TMEM108: variants seen among roughly 807,000 people sequenced by gnomAD.
The protein encoded by TMEM108 is cancer/testis antigen 124.
A neutral mutation model predicts 35.1 loss-of-function variants in TMEM108; 12 were observed. The ratio of observed to expected loss-of-function variants is 0.34; its 90% confidence interval spans 0.22 to 0.55. The LOEUF (loss-of-function observed/expected upper bound fraction) is 0.55, where lower values mean the gene tolerates loss of function less well. TMEM108 is among the 20% of genes least tolerant of loss of function. The probability of loss-of-function intolerance (pLI) is 0.89; values close to 1 mark genes in which losing one functional copy is unlikely to be tolerated. For synonymous variants in TMEM108, 287 were observed against 308.6 expected, an observed-to-expected ratio of 0.93 and a Z score of 0.73; for missense variants, 680 against 753.3, an observed-to-expected ratio of 0.90 and a Z score of 1.14.
intron 2 of TMEM108, among the ~76,000 whole-genome samples, chr3:133,178,249 T>C (rs933889852): frequency 1.3e-5 from 2 of 152,196 alleles, no homozygotes; most frequent in African/African-American, 4.8e-5. Flanking sequence ...CAAGGTAATT[T>C]ATAGATTCAA....
At chr3:133,223,505 G>C (rs1946022852) in intron 2 of TMEM108, among the ~76,000 whole-genome samples, 1 of 152,156 alleles carries the variant, frequency 6.6e-6, no homozygotes, top group Admixed American at 6.5e-5. Flanking sequence ...ATGTAACTCT[G>C]TACTTTCTTA....
chr3:133,048,523 A>G (rs1046939533), intron 2 of TMEM108, among the ~76,000 whole-genome samples: 5 of 152,222 alleles, frequency 3.3e-5, no homozygotes, highest in Non-Finnish European at 7.3e-5. Context: ...TGTAACCTGC[A>G]TTATTTTAAT....
intron 2 of TMEM108, among the ~76,000 whole-genome samples, chr3:133,175,220 G>A (rs61568127): frequency 0.017 from 2,587 of 152,284 alleles, 95 homozygotes; most frequent in African/African-American, 0.057. Flanking sequence ...TGAAAGTGAC[G>A]GGGAGAATGG....
chr3:133,269,367 T>G (rs1559887744), intron 3 of TMEM108, among the ~76,000 whole-genome samples: 1 of 152,198 alleles, frequency 6.6e-6, no homozygotes, highest in Non-Finnish European at 1.5e-5. Flanking sequence ...TTGCAGCATG[T>G]TCAAATGCTT....
intron 3 of TMEM108, among the ~76,000 whole-genome samples, chr3:133,289,913 C>T (rs1338515730): frequency 1.6e-4 from 24 of 152,160 alleles, no homozygotes; most frequent in Non-Finnish European, 1.5e-5. Flanking sequence ...GCTCACCCCC[C>T]TCATTAGAAG....
At chr3:133,385,927 G>A (rs769566509) in intron 4 of TMEM108, among the ~76,000 whole-genome samples, 10 of 152,218 alleles carry the variant, frequency 6.6e-5, no homozygotes, top group Non-Finnish European at 1.3e-4. Flanking sequence ...GGAAACACCT[G>A]TAAAATGTTC....
rs1348760560 is a variant in TMEM108, at chr3:133,380,020, A to G, written c.309A>G (p.Thr103=). The G allele has an allele frequency of 1.9e-6, 3 of 1,613,880 alleles. No homozygotes were observed. Among genetic ancestry groups the G allele is most frequent in the Admixed American group, 3.3e-5 (2 of 60,004 alleles). The change falls in exon 4 of 6, where the codon ACA becomes ACG. Residue 103 remains threonine (T), a synonymous_variant. Transcript: ENST00000321871. The surrounding 1 kb of genome is among the most constrained non-coding windows in gnomAD (Gnocchi z 5.3). ...PTHTISTIAA[T]VTAPHSESSL... ...ACACCATCTCCACCATCGCTGCGAC[A>G]GTAACCGCCCCCCATTCTGAAAGCT...
intron 3 of TMEM108, among the ~76,000 whole-genome samples, chr3:133,250,242 CT>C (rs1460456289): frequency 6.6e-6 from 1 of 152,118 alleles, no homozygotes; most frequent in African/African-American, 2.4e-5. Flanking sequence ...TCTGCCACCC[CT>C]AAGACAACAA....
intron 2 of TMEM108, among the ~76,000 whole-genome samples, chr3:133,128,847 G>A (rs1433855279): frequency 1.3e-5 from 2 of 152,114 alleles, no homozygotes; most frequent in Admixed American, 6.5e-5. Flanking sequence ...TAGAGGTTAA[G>A]CTTGAACCAA....
intron 3 of TMEM108, among the ~76,000 whole-genome samples, chr3:133,261,374 G>A (rs528162499): frequency 6.6e-6 from 1 of 152,198 alleles, no homozygotes; most frequent in Admixed American, 6.5e-5. Context: ...TTAATTTCTG[G>A]ATTGGTTTTG....
intron 2 of TMEM108, among the ~76,000 whole-genome samples, chr3:133,184,544 C>A (rs981300602): frequency 2.0e-5 from 3 of 152,156 alleles, no homozygotes; most frequent in African/African-American, 7.2e-5. Context: ...TGCCTTGACA[C>A]CTAATTGAAA....
intron 2 of TMEM108, among the ~76,000 whole-genome samples, chr3:133,194,200 G>A (rs1945543613): frequency 6.6e-6 from 1 of 152,130 alleles, no homozygotes; most frequent in Non-Finnish European, 1.5e-5. Flanking sequence ...CTCCCAAAGT[G>A]CTGGGATTAC....
Position 133,390,148 on chromosome 3 carries a change from C to G in TMEM108, c.1451-32C>G, listed in dbSNP as rs1478213891. On this transcript the variant is annotated intron_variant, in intron 4 of 5. Transcript: ENST00000321871. ...ACCCAGGCACCATCCTTGCTGCCTCCCTCTCCTCTCTGACTTGCACTCTCT... is the reference window on the plus strand; with the variant it reads ...ACCCAGGCACCATCCTTGCTGCCTCGCTCTCCTCTCTGACTTGCACTCTCT... 5.0e-6 allele frequency: 8 copies of G among 1,613,170 alleles called. No individual in the cohort carries two copies. In the South Asian group the frequency reaches 8.8e-5, roughly 18 times the overall value.
At chr3:133,143,055 A>G (rs1355043842) in intron 2 of TMEM108, among the ~76,000 whole-genome samples, 1 of 152,190 alleles carries the variant, frequency 6.6e-6, no homozygotes, top group Non-Finnish European at 1.5e-5. Context: ...AAAATTGTGT[A>G]TGTGACATAG....
At chr3:133,362,909 A>T (rs1268178014) in intron 3 of TMEM108, among the ~76,000 whole-genome samples, 4 of 152,150 alleles carry the variant, frequency 2.6e-5, no homozygotes, top group Non-Finnish European at 4.4e-5. Flanking sequence ...TTTAGATCCA[A>T]TTTGTTCTTG....
rs187146420 is a variant in TMEM108 at position 133,175,194 on chromosome 3, G to A, written c.-46-54072G>A. Among the ~76,000 whole-genome samples, 404 of 152,240 alleles carry A rather than the reference G, an allele frequency of 2.7e-3. 3 individuals are homozygous for A. Among genetic ancestry groups the A allele is most frequent in the African/African-American group, 9.1e-3 (376 of 41,540 alleles). On this transcript the variant is annotated intron_variant, in intron 2 of 5. Transcript: ENST00000321871. ...GACTATGTGAACAGACCAAATTTAC[G>A]TCTGATTGGTGTACCTGAAAGTGAC...
At chr3:133,233,142 A>G (rs552471677) in intron 3 of TMEM108, among the ~76,000 whole-genome samples, 1 of 151,922 alleles carries the variant, frequency 6.6e-6, no homozygotes, top group African/African-American at 2.4e-5. Context: ...TGCACCCATT[A>G]ACTCGTCATT....
At chr3:133,212,798 G>A (rs537096388) in intron 2 of TMEM108, among the ~76,000 whole-genome samples, 4 of 148,744 alleles carry the variant, frequency 2.7e-5, no homozygotes, top group Non-Finnish European at 5.9e-5. Context: ...CTCGGGCGGC[G>A]GAGGTTGCAG....
Position 133,134,305 on chromosome 3 carries a change from G to C in TMEM108, c.-47+88285G>C, listed in dbSNP as rs532954597. ...TTATTGTATTCAATATTCTATATAT[G>C]TTCTATACATCTAAAAGTTAATTAT... On this transcript the variant is annotated intron_variant, in intron 2 of 5. Coordinates refer to ENST00000321871, the MANE Select transcript of TMEM108 (RefSeq NM_023943.4). Among the ~76,000 whole-genome samples the C allele has an allele frequency of 5.0e-4, 76 of 151,984 alleles. 2 individuals are homozygous for C. The East Asian group carries it at 0.01, about 20-fold the overall frequency.
Sources: allele counts gnomAD v4.1 joint callset (sites outside exome capture counted in the v4.1 genomes callset), GRCh38; gene constraint gnomAD v4.1.1; non-coding constraint Gnocchi (gnomAD v3.1); transcripts MANE v1.5; gene names NCBI Gene and HGNC (gene_info 2026-07-23, HGNC 2026-07-21).